TRIQK: variants seen among roughly 807,000 people sequenced by gnomAD.
The protein encoded by TRIQK is triple QxxK/R motif containing.
Under a neutral mutation model 10.8 loss-of-function variants are expected in TRIQK, and 10 were observed. The ratio of observed to expected loss-of-function variants is 0.92; its 90% confidence interval spans 0.57 to 1.57. The LOEUF (loss-of-function observed/expected upper bound fraction) is 1.57, where lower values mean the gene tolerates loss of function less well. Ranked by LOEUF, TRIQK falls within the 40% of genes most tolerant of loss-of-function variation. The pLI, the probability that TRIQK is intolerant of heterozygous loss-of-function variation, is 0.00. For synonymous variants in TRIQK, 33 were observed against 33.7 expected (o/e 0.98, Z 0.07); for missense variants, 107 against 97.7 (o/e 1.09, Z -0.40).
intron 2 of TRIQK, among the ~76,000 whole-genome samples, chr8:92,951,526 T>C (rs1811905518): frequency 6.6e-6 from 1 of 151,964 alleles, no homozygotes; most frequent in Non-Finnish European, 1.5e-5. Context: ...GACAAATTGC[T>C]AGAGGCTCAG....
At chr8:92,932,222 G>C (rs114869881) in intron 2 of TRIQK, among the ~76,000 whole-genome samples, 1 of 151,820 alleles carries the variant, frequency 6.6e-6, no homozygotes, top group Non-Finnish European at 1.5e-5. Flanking sequence ...TATATATTAC[G>C]CCCTCCTTGG....
At chr8:92,943,527 A>C (rs866377072) in intron 2 of TRIQK, among the ~76,000 whole-genome samples, 1 of 152,212 alleles carries the variant, frequency 6.6e-6, no homozygotes. Flanking sequence ...CCATACACTT[A>C]CAGCCAACTG....
At chr8:92,930,735 G>A (rs1810680726) in intron 2 of TRIQK, among the ~76,000 whole-genome samples, 3 of 152,150 alleles carry the variant, frequency 2.0e-5, no homozygotes, top group South Asian at 2.1e-4. Flanking sequence ...AATTGAAAAC[G>A]GGGTTATGAT....
chr8:92,980,153 T>C (rs1042266021), intron 1 of TRIQK, among the ~76,000 whole-genome samples: 2 of 152,102 alleles, frequency 1.3e-5, no homozygotes, highest in Non-Finnish European at 2.9e-5. Context: ...TCTTTATTAC[T>C]AATGAGTATT....
intron 2 of TRIQK, among the ~76,000 whole-genome samples, chr8:92,928,312 T>C (rs1317608242): frequency 5.9e-5 from 9 of 151,614 alleles, no homozygotes. Context: ...AATGGAGGAG[T>C]CCCCATCCCT....
chr8:92,967,457 T>C (rs1812796502), upstream of TRIQK, among the ~76,000 whole-genome samples: 1 of 152,176 alleles, frequency 6.6e-6, no homozygotes, highest in South Asian at 2.1e-4. Context: ...GCTTGCTAAA[T>C]GTGAATAACT....
chr8:92,913,369 A>G (rs796913960), intron 3 of TRIQK, among the ~76,000 whole-genome samples: 3 of 152,156 alleles, frequency 2.0e-5, no homozygotes, highest in Admixed American at 6.5e-5. Flanking sequence ...TATGAAAAAA[A>G]GCTCAGCCTC....
At chr8:92,929,775 C>G (rs186531342) in intron 2 of TRIQK, among the ~76,000 whole-genome samples, 2 of 152,082 alleles carry the variant, frequency 1.3e-5, no homozygotes, top group East Asian at 3.9e-4. Flanking sequence ...TTTTCAAGTA[C>G]GAAAATGATT....
At chr8:92,984,596 C>T (rs537473795) in intron 1 of TRIQK, among the ~76,000 whole-genome samples, 6 of 152,252 alleles carry the variant, frequency 3.9e-5, no homozygotes, top group African/African-American at 1.4e-4. Flanking sequence ...TTGTTACAGA[C>T]ATTATTCGAC....
At chr8:92,962,917 G>A (rs1812532874) in intron 1 of TRIQK, among the ~76,000 whole-genome samples, 1 of 152,182 alleles carries the variant, frequency 6.6e-6, no homozygotes, top group Non-Finnish European at 1.5e-5. Context: ...GGAAGTACTA[G>A]TACTCATTTT....
At chr8:92,983,289 A>G (rs1282960821) in intron 1 of TRIQK, among the ~76,000 whole-genome samples, 1 of 152,040 alleles carries the variant, frequency 6.6e-6, no homozygotes, top group African/African-American at 2.4e-5. Context: ...ATTCAAGTCA[A>G]AACAAAAGAT....
chr8:93,000,047 C>A (rs746131797), intron 1 of TRIQK, among the ~76,000 whole-genome samples: 1 of 151,868 alleles, frequency 6.6e-6, no homozygotes, highest in Non-Finnish European at 1.5e-5. Flanking sequence ...ACTCATTCTC[C>A]GTGATCTAAA....
In TRIQK at chr8:92,883,838, C is replaced by G. The variant is rs1816332277; in HGVS notation, c.*2784G>C. ...AACAACTACCCACCCTACATTTGTA[C>G]TAAAATAGGCTTTTGCTTGTTTTAA... On this transcript the variant is annotated 3_prime_UTR_variant, in exon 5 of 5. Coordinates refer to ENST00000521988, the MANE Select transcript of TRIQK (RefSeq NM_001171797.2). 2.6e-5 allele frequency: 4 copies of G among 151,768 alleles called. No homozygotes were observed. In the South Asian group the frequency reaches 8.3e-4, roughly 31 times the overall value. The allele number at this position is 151,768 out of a possible 1,614,324, so 9.4% of individuals were successfully genotyped here.
intron 1 of TRIQK, among the ~76,000 whole-genome samples, chr8:92,958,125 G>T (rs1290842022): frequency 6.6e-6 from 1 of 151,910 alleles, no homozygotes; most frequent in Non-Finnish European, 1.5e-5. Flanking sequence ...GCCTTTGCCA[G>T]CAGGTTCATA....
intron 1 of TRIQK, among the ~76,000 whole-genome samples, chr8:93,014,369 T>C (rs1280213950): frequency 1.3e-5 from 2 of 152,104 alleles, no homozygotes; most frequent in Admixed American, 1.3e-4. Flanking sequence ...TATGATTTTA[T>C]CATTTTTCAT....
chr8:92,959,039 C>T (rs571180626), intron 1 of TRIQK, among the ~76,000 whole-genome samples: 2 of 151,872 alleles, frequency 1.3e-5, no homozygotes, highest in African/African-American at 4.8e-5. Flanking sequence ...ATTTCCACAT[C>T]ACATATAAAC....
intron 1 of TRIQK, among the ~76,000 whole-genome samples, chr8:92,994,786 A>C (rs1004447454): frequency 2.0e-5 from 3 of 151,956 alleles, no homozygotes; most frequent in Non-Finnish European, 2.9e-5. Flanking sequence ...AATTCCTGTC[A>C]AAATAAATCC....
chr8:92,886,277 C>G lies in TRIQK; in HGVS notation c.*345G>C, dbSNP rs145151126. 0.042 allele frequency: 6,516 copies of G among 156,970 alleles called. 128 individuals carry two copies. Among genetic ancestry groups the G allele is most frequent in the Non-Finnish European group, 0.052 (3,709 of 71,524 alleles). 9.7% of individuals were successfully genotyped at this position (156,970 alleles called of 1,614,324 possible). Reference sequence around the variant, plus strand: ...ATACTAACTTATGATGTATATAGAACAAAAATAGACTTACTCATCAGGAAG... The same window carrying G: ...ATACTAACTTATGATGTATATAGAAGAAAAATAGACTTACTCATCAGGAAG... On this transcript the variant is annotated 3_prime_UTR_variant, in exon 5 of 5. Coordinates refer to ENST00000521988, the MANE Select transcript of TRIQK (RefSeq NM_001171797.2).
intron 3 of TRIQK, among the ~76,000 whole-genome samples, chr8:92,900,912 T>G (rs1376202334): frequency 6.6e-6 from 1 of 152,118 alleles, no homozygotes; most frequent in East Asian, 1.9e-4. Flanking sequence ...CTCTTCAAAT[T>G]TTTATCATTG....
Sources: gnomAD v4.1 joint callset for allele counts (sites outside exome capture counted in the v4.1 genomes callset) on GRCh38, gnomAD v4.1.1 for gene constraint, MANE v1.5 for transcripts, NCBI Gene and HGNC (gene_info 2026-07-23, HGNC 2026-07-21) for gene names.